The following PARD3B variants were observed in gnomAD, a reference collection of about 807,000 sequenced individuals.
PARD3B encodes partitioning defective 3 homolog B.
In PARD3B, 103 loss-of-function variants were observed where a neutral mutation model predicts 130.2. That is an observed-to-expected ratio of 0.79 (90% CI 0.67 to 0.93). The LOEUF is 0.93. Among genes scored for constraint, PARD3B ranks in the 40% least tolerant of loss-of-function variants. PARD3B has a pLI of 0.00. For missense variants in PARD3B, 1,609 were observed against 1,499.2 expected, an observed-to-expected ratio of 1.07 and a Z score of -1.21; for synonymous variants, 583 against 553.2, an observed-to-expected ratio of 1.05 and a Z score of -0.76.
At chr2:204,816,254 T>C (rs563116177) in intron 2 of PARD3B, among the ~76,000 whole-genome samples, 47 of 152,004 alleles carry the variant, frequency 3.1e-4, no homozygotes, top group Non-Finnish European at 5.7e-4. Context: ...CAAACAACAT[T>C]ACTATTATTT....
chr2:204,754,374 C>T (rs2040583232), intron 2 of PARD3B, among the ~76,000 whole-genome samples: 1 of 152,084 alleles, frequency 6.6e-6, no homozygotes, highest in South Asian at 2.1e-4. Context: ...AGAGGGAACT[C>T]GAAAGGCAGT....
chr2:204,548,833 G>A (rs1574439986), intron 1 of PARD3B, among the ~76,000 whole-genome samples: 1 of 152,152 alleles, frequency 6.6e-6, no homozygotes, highest in African/African-American at 2.4e-5. Flanking sequence ...ATGGGAAAAT[G>A]GGCAAGATCT....
chr2:204,978,585 A>G (rs1489947206), intron 3 of PARD3B, among the ~76,000 whole-genome samples: 1 of 152,204 alleles, frequency 6.6e-6, no homozygotes, highest in Non-Finnish European at 1.5e-5. Context: ...TTTATTGCTC[A>G]GTAAAGCACA....
At chr2:204,962,690 C>T (rs1428834970) in intron 2 of PARD3B, among the ~76,000 whole-genome samples, 1 of 152,062 alleles carries the variant, frequency 6.6e-6, no homozygotes, top group Non-Finnish European at 1.5e-5. Flanking sequence ...TGATTTAAAC[C>T]AGTTATCAAT....
At chr2:204,746,711 T>G (rs371898006) in intron 2 of PARD3B, among the ~76,000 whole-genome samples, 1 of 152,172 alleles carries the variant, frequency 6.6e-6, no homozygotes, top group Non-Finnish European at 1.5e-5. Flanking sequence ...TGGTTTTGAT[T>G]TGCATTTCTC....
At chr2:204,852,236 A>T (rs2044737869) in intron 2 of PARD3B, among the ~76,000 whole-genome samples, 1 of 151,266 alleles carries the variant, frequency 6.6e-6, no homozygotes, top group African/African-American at 2.4e-5. Flanking sequence ...TTTTGCTTTT[A>T]AATTCCAGTG....
At chr2:205,239,804 C>G (rs1258817980) in intron 15 of PARD3B, among the ~76,000 whole-genome samples, 1 of 152,162 alleles carries the variant, frequency 6.6e-6, no homozygotes, top group African/African-American at 2.4e-5. Context: ...TTCTGATTAG[C>G]TCACTCTCAG....
In PARD3B at chr2:204,965,312, C is replaced by T; in HGVS notation, c.383C>T (p.Ala128Val). Residue 128 changes from alanine (A) to valine (V), a missense_variant, in exon 3 of 23, where the codon GCT (alanine) becomes GTT (valine). Physicochemically the swap from Ala to Val is moderately conservative, Grantham distance 64. Coordinates refer to ENST00000406610, the MANE Select transcript of PARD3B (RefSeq NM_001302769.2). ...GGGGAGATTGAAGTAACCCCTTCTG[C>T]TCTAAAACTAGGTATGTGTAATGTT... ...IGGEIEVTPS[A>V]LKLGTPLLVR... The T allele has an allele frequency of 6.2e-7, 1 of 1,613,740 alleles. No homozygotes were observed. Among genetic ancestry groups the T allele is most frequent in the Non-Finnish European group, 8.5e-7 (1 of 1,179,792 alleles).
intron 1 of PARD3B, among the ~76,000 whole-genome samples, chr2:204,579,724 G>T (rs1357387818): frequency 6.6e-6 from 1 of 150,736 alleles, no homozygotes; most frequent in African/African-American, 2.5e-5. Flanking sequence ...TTGTGAACAT[G>T]GAACAACAAG....
At chr2:205,363,395 A>C (rs2044470315) in intron 18 of PARD3B, among the ~76,000 whole-genome samples, 1 of 152,174 alleles carries the variant, frequency 6.6e-6, no homozygotes, top group African/African-American at 2.4e-5. Flanking sequence ...CCCTTTATGC[A>C]CTAGGATCTA....
rs149966463 is a variant in PARD3B, at chr2:205,421,037, G to A, written c.2742-19333G>A. ...GTGCCCATAGTCCCAGCTACTCGGG[G>A]GGCCAAGGCAGGAGAATCACTTGAA... is the stretch of plus-strand genomic sequence containing the variant. On this transcript the variant is annotated intron_variant, in intron 19 of 22. Coordinates refer to ENST00000406610, the MANE Select transcript of PARD3B (RefSeq NM_001302769.2). This position sits in a 1 kb window ranked among gnomAD's most constrained non-coding sequence, Gnocchi z 5.1. Among the ~76,000 whole-genome samples, 374 of 152,074 alleles carry A rather than the reference G, an allele frequency of 2.5e-3. 7 individuals carry two copies. Among genetic ancestry groups the A allele is most frequent in the African/African-American group, 8.6e-3 (358 of 41,462 alleles).
chr2:204,711,864 A>G (rs1318164491), intron 2 of PARD3B, among the ~76,000 whole-genome samples: 1 of 152,016 alleles, frequency 6.6e-6, no homozygotes, highest in Admixed American at 6.6e-5. Context: ...TCTTACCTCC[A>G]TTTTACAAGT....
At chr2:204,909,005 C>G (rs751026335) in intron 2 of PARD3B, among the ~76,000 whole-genome samples, 14 of 152,096 alleles carry the variant, frequency 9.2e-5, no homozygotes, top group Non-Finnish European at 1.6e-4. Flanking sequence ...TCAATAGTGT[C>G]CTTCAGCAGA....
intron 3 of PARD3B, 115 bp from the exon 4 acceptor site, chr2:205,047,466 A>G: frequency 3.4e-6 from 2 of 580,868 alleles, no homozygotes; most frequent in South Asian, 5.0e-5. Context: ...CCTTAGAAAT[A>G]GAATGTTTTT....
chr2:204,788,826 A>C (rs983033073), intron 2 of PARD3B, among the ~76,000 whole-genome samples: 2 of 152,226 alleles, frequency 1.3e-5, no homozygotes, highest in Non-Finnish European at 2.9e-5. Flanking sequence ...TCAAATATGA[A>C]GATCATAGTA....
chr2:205,126,529 C>T (rs1313142062), intron 10 of PARD3B, among the ~76,000 whole-genome samples: 2 of 151,266 alleles, frequency 1.3e-5, no homozygotes, highest in Non-Finnish European at 2.9e-5. Context: ...ATCATGAGGT[C>T]AGGAGATCGA....
intron 10 of PARD3B, among the ~76,000 whole-genome samples, chr2:205,156,469 T>C (rs1426821997): frequency 6.6e-6 from 1 of 151,826 alleles, no homozygotes; most frequent in East Asian, 1.9e-4. Context: ...ATACTTTTGT[T>C]GAAAATGGAT....
chr2:204,822,129 C>A (rs1222533462), intron 2 of PARD3B, among the ~76,000 whole-genome samples: 1 of 152,156 alleles, frequency 6.6e-6, no homozygotes, highest in African/African-American at 2.4e-5. Flanking sequence ...AGCAAGAAGT[C>A]AAAATACCAA....
chr2:204,926,123 G>A lies in PARD3B; in HGVS notation c.223-39029G>A, dbSNP rs950426579. On this transcript the variant is annotated intron_variant, in intron 2 of 22. Coordinates refer to ENST00000406610, the MANE Select transcript of PARD3B (RefSeq NM_001302769.2). ...ATTTTACCACTCCAGAGATATATGC[G>A]TATCTAGCAACTTTGGCTTTGGTAG... Among the ~76,000 whole-genome samples, 8 of 152,116 alleles carry A rather than the reference G, an allele frequency of 5.3e-5. No homozygotes were observed. The South Asian group carries it at 6.2e-4, about 12-fold the overall frequency.
Sources: gnomAD v4.1 joint callset for allele counts (sites outside exome capture counted in the v4.1 genomes callset) on GRCh38, gnomAD v4.1.1 for gene constraint, Gnocchi (gnomAD v3.1) non-coding constraint, MANE v1.5 for transcripts, NCBI Gene and HGNC (gene_info 2026-07-23, HGNC 2026-07-21) for gene names.